The following IRF2 variants were observed in gnomAD, a reference collection of about 807,000 sequenced individuals.
IRF2 encodes interferon regulatory factor 2.
In IRF2, 15 loss-of-function variants were observed where a neutral mutation model predicts 40.6. That is an observed-to-expected ratio of 0.37 (90% CI 0.25 to 0.57). The LOEUF (loss-of-function observed/expected upper bound fraction) is 0.57, where lower values mean the gene tolerates loss of function less well. IRF2 is among the 20% of genes least tolerant of loss of function. The probability of loss-of-function intolerance (pLI) is 0.77; values close to 1 mark genes in which losing one functional copy is unlikely to be tolerated. For missense variants in IRF2, 317 were observed against 455.7 expected (o/e 0.70, Z 2.77); for synonymous variants, 151 against 165.5 (o/e 0.91, Z 0.67).
intron 7 of IRF2, among the ~76,000 whole-genome samples, chr4:184,395,932 G>C (rs952878584): frequency 6.6e-6 from 1 of 152,200 alleles, no homozygotes; most frequent in Non-Finnish European, 1.5e-5. Context: ...GCCACTGCTG[G>C]CAGAACAGCA....
chr4:184,411,866 T>A (rs2149897805), intron 5 of IRF2, among the ~76,000 whole-genome samples: 1 of 151,986 alleles, frequency 6.6e-6, no homozygotes, highest in East Asian at 1.9e-4. Flanking sequence ...TGCTGCACCA[T>A]AACCTGGCCC....
At chr4:184,401,551 G>T (rs942427385) in intron 6 of IRF2, among the ~76,000 whole-genome samples, 1 of 152,178 alleles carries the variant, frequency 6.6e-6, no homozygotes, top group Non-Finnish European at 1.5e-5. Flanking sequence ...ATTATCCTAC[G>T]TGAGGGTGAG....
At chr4:184,466,035 A>C (rs1739303706) in intron 1 of IRF2, among the ~76,000 whole-genome samples, 1 of 150,854 alleles carries the variant, frequency 6.6e-6, no homozygotes, top group Non-Finnish European at 1.5e-5. Context: ...GTTCAGTTTT[A>C]ACTTGTCCCA....
At chr4:184,455,213 C>T (rs1738869661) in intron 1 of IRF2, among the ~76,000 whole-genome samples, 2 of 151,230 alleles carry the variant, frequency 1.3e-5, no homozygotes, top group Non-Finnish European at 3.0e-5. Flanking sequence ...TTCTTCTAAC[C>T]TCTTATCCCA....
intron 1 of IRF2, among the ~76,000 whole-genome samples, chr4:184,455,301 C>CTTT (rs1238177005): frequency 8.2e-3 from 263 of 31,918 alleles, no homozygotes; most frequent in African/African-American, 9.6e-3. Context: ...CCTTCTTCTT[C>CTTT]TTTTTTTTTT....
intron 7 of IRF2, among the ~76,000 whole-genome samples, chr4:184,391,183 C>A (rs1297132865): frequency 6.6e-6 from 1 of 152,224 alleles, no homozygotes; most frequent in Non-Finnish European, 1.5e-5. Flanking sequence ...TACCTCTCAC[C>A]CCTTTAGGAC....
In IRF2 at chr4:184,413,950, G is replaced by A. The variant is rs966987647; in HGVS notation, c.411+4217C>T. 5.9e-5 allele frequency among the ~76,000 whole-genome samples: 9 copies of A among 152,150 alleles called. No individual in the cohort carries two copies. Among genetic ancestry groups the A allele is most frequent in the East Asian group, 3.8e-4 (2 of 5,196 alleles). On this transcript the variant is annotated intron_variant, in intron 5 of 8. Transcript: ENST00000393593. This position sits in a 1 kb window ranked among gnomAD's most constrained non-coding sequence, Gnocchi z 4.2. ...TCATTCCTGATGCCCCTAGTGCTGC[G>A]GAAGGACCAGTTTGACCCTGTCCAC...
At chr4:184,395,631 A>G (rs1391200345) in intron 7 of IRF2, among the ~76,000 whole-genome samples, 1 of 152,192 alleles carries the variant, frequency 6.6e-6, no homozygotes, top group Middle Eastern at 3.2e-3. Flanking sequence ...AGTAGCAGGG[A>G]AATGTTTTAC....
Position 184,407,506 on chromosome 4 carries a change from C to T in IRF2, c.529+652G>A, listed in dbSNP as rs144528542. On this transcript the variant is annotated intron_variant, in intron 6 of 8. Coordinates refer to ENST00000393593, the MANE Select transcript of IRF2 (RefSeq NM_002199.4). ...GTTACGAAGGAGGGAAAACACTGCT[C>T]CTCTGAGACCTCCAATCTAAATTTG... is the stretch of plus-strand genomic sequence containing the variant. Among the ~76,000 whole-genome samples, 989 of 152,302 alleles carry T rather than the reference C, an allele frequency of 6.5e-3. 10 individuals carry two copies. The highest frequency in any genetic ancestry group is 0.023 in the African/African-American group (942 of 41,550).
At chr4:184,452,685 C>A (rs1738758399) in intron 1 of IRF2, among the ~76,000 whole-genome samples, 1 of 142,346 alleles carries the variant, frequency 7.0e-6, no homozygotes, top group Admixed American at 7.5e-5. Context: ...GCAGGAGGTT[C>A]ATTTGAGCCC....
intron 6 of IRF2, among the ~76,000 whole-genome samples, chr4:184,402,003 C>G (rs1359607784): frequency 6.6e-6 from 1 of 152,286 alleles, no homozygotes; most frequent in South Asian, 2.1e-4. Flanking sequence ...ACGTCCTAGT[C>G]GGTTATTCAA....
chr4:184,390,848 G>C, intron 7 of IRF2, 99 bp from the exon 8 acceptor site: 2 of 1,155,384 alleles, frequency 1.7e-6, no homozygotes, highest in Non-Finnish European at 2.6e-6. Flanking sequence ...GTAACTAAAC[G>C]CATCACCTCC....
Position 184,413,601 on chromosome 4 carries a change from C to CTAT in IRF2, c.411+4565_411+4566insATA. ...CTCTATGAGAAAGAGCAGCCGAACC[C>CTAT]CTATCTGCTTTTCTGTAACTTCTAC... On this transcript the variant is annotated intron_variant, in intron 5 of 8. Transcript: ENST00000393593. This position sits in a 1 kb window ranked among gnomAD's most constrained non-coding sequence, Gnocchi z 4.2. 6.6e-6 allele frequency among the ~76,000 whole-genome samples: 1 copy of CTAT among 152,316 alleles called. No homozygotes were observed. The highest frequency in any genetic ancestry group is 1.5e-5 in the Non-Finnish European group (1 of 68,032).
chr4:184,445,337 G>A (rs975841099), intron 1 of IRF2, among the ~76,000 whole-genome samples: 4 of 152,172 alleles, frequency 2.6e-5, no homozygotes, highest in Non-Finnish European at 4.4e-5. Flanking sequence ...TGTCAGCAGG[G>A]TGCCCTAATT....
chr4:184,460,620 A>AAC lies in IRF2; in HGVS notation c.-7+13757_-7+13758dup, dbSNP rs886705161. Among the ~76,000 whole-genome samples the AAC allele has an allele frequency of 5.3e-5, 8 of 151,060 alleles. No homozygotes were observed. The East Asian group carries it at 1.4e-3, about 26-fold the overall frequency. The stretch of plus-strand genomic sequence containing the variant: ...CAACTTAAAGTATTCACTATAGCCA[A>AAC]ACACACACACACGCATGCACGCACA... On this transcript the variant is annotated intron_variant, in intron 1 of 8. Coordinates refer to ENST00000393593, the MANE Select transcript of IRF2 (RefSeq NM_002199.4).
intron 2 of IRF2, among the ~76,000 whole-genome samples, chr4:184,420,903 C>T (rs1050013172): frequency 1.3e-5 from 2 of 152,220 alleles, no homozygotes; most frequent in African/African-American, 2.4e-5. Context: ...CCAGGTCATG[C>T]GACTCCATAT....
At chr4:184,411,059 CTTTTT>C (rs34897483) in intron 5 of IRF2, among the ~76,000 whole-genome samples, 1 of 141,416 alleles carries the variant, frequency 7.1e-6, no homozygotes, top group African/African-American at 2.6e-5. Context: ...TCTCTCCACA[CTTTTT>C]TTTTTTTTTT....
intron 1 of IRF2, among the ~76,000 whole-genome samples, chr4:184,452,271 C>A (rs1738740059): frequency 6.6e-6 from 1 of 152,194 alleles, no homozygotes; most frequent in Non-Finnish European, 1.5e-5. Flanking sequence ...TTGCTTCTTT[C>A]CAAATTATAC....
At chr4:184,395,229 G>A (rs1429624484) in intron 7 of IRF2, among the ~76,000 whole-genome samples, 1 of 151,912 alleles carries the variant, frequency 6.6e-6, no homozygotes, top group East Asian at 1.9e-4. Flanking sequence ...GGCTAACACG[G>A]TGAAACCCCG....
Sources: allele counts gnomAD v4.1 joint callset (sites outside exome capture counted in the v4.1 genomes callset), GRCh38; gene constraint gnomAD v4.1.1; non-coding constraint Gnocchi (gnomAD v3.1); transcripts MANE v1.5; gene names NCBI Gene and HGNC (gene_info 2026-07-23, HGNC 2026-07-21).